The following DAPK1 variants were observed in gnomAD, a reference collection of about 807,000 sequenced individuals.
DAPK1 encodes death-associated protein kinase 1.
Under a neutral mutation model 144.9 loss-of-function variants are expected in DAPK1, and 56 were observed. The ratio of observed to expected loss-of-function variants is 0.39; its 90% confidence interval spans 0.31 to 0.48. The LOEUF (loss-of-function observed/expected upper bound fraction) is 0.48. Ranked by LOEUF, DAPK1 falls within the 20% of genes least tolerant of loss-of-function variation. The pLI is 0.95. For missense variants in DAPK1, 1,454 were observed against 1,875.4 expected (o/e 0.78, Z 4.15); for synonymous variants, 690 against 749.0 (o/e 0.92, Z 1.29).
chr9:87,606,895 T>C (rs1249816836), intron 3 of DAPK1, among the ~76,000 whole-genome samples: 1 of 150,812 alleles, frequency 6.6e-6, no homozygotes, highest in Non-Finnish European at 1.5e-5. Context: ...GAATCACTCT[T>C]CCTTCAGGCT....
intron 2 of DAPK1, among the ~76,000 whole-genome samples, chr9:87,597,342 G>A (rs905780939): frequency 2.4e-4 from 36 of 152,122 alleles, no homozygotes; most frequent in African/African-American, 8.5e-4. Context: ...GGGCCTTTGA[G>A]GACCAAAGGA....
chr9:87,642,642 G>C lies in DAPK1; in HGVS notation c.918+584G>C, dbSNP rs74362275. On this transcript the variant is annotated intron_variant, in intron 10 of 25. Transcript: ENST00000408954. Reference sequence around the variant, plus strand: ...TGATGGGATGGTTTCCTGTGCCCAGGGTCATGTCAAACCTAGAGGAAGTGG... The same window carrying C: ...TGATGGGATGGTTTCCTGTGCCCAGCGTCATGTCAAACCTAGAGGAAGTGG... Among the ~76,000 whole-genome samples the C allele has an allele frequency of 2.5e-3, 385 of 152,180 alleles. 1 individual carries two copies. The highest frequency in any genetic ancestry group is 6.9e-3 in the South Asian group (33 of 4,812).
intron 20 of DAPK1, among the ~76,000 whole-genome samples, chr9:87,682,337 T>C (rs148973258): frequency 4.1e-4 from 63 of 152,344 alleles, no homozygotes; most frequent in African/African-American, 1.5e-3. Flanking sequence ...TTGGGTGTGA[T>C]TCCAACTGAA....
chr9:87,637,742 C>T (rs1829951780), intron 3 of DAPK1, among the ~76,000 whole-genome samples: 1 of 152,174 alleles, frequency 6.6e-6, no homozygotes, highest in South Asian at 2.1e-4. Flanking sequence ...AAATGGTTCC[C>T]AAGTGCTTTC....
intron 3 of DAPK1, among the ~76,000 whole-genome samples, chr9:87,608,070 C>T (rs2118977263): frequency 6.6e-6 from 1 of 152,258 alleles, no homozygotes; most frequent in African/African-American, 2.4e-5. Context: ...ACCAGATCTC[C>T]TGAGAACTCT....
At chr9:87,513,143 A>G (rs561807014) in intron 2 of DAPK1, among the ~76,000 whole-genome samples, 1 of 152,346 alleles carries the variant, frequency 6.6e-6, no homozygotes, top group South Asian at 2.1e-4. Flanking sequence ...AACAGGTACC[A>G]TAAATAGGCT....
At chr9:87,569,010 A>G (rs1386468402) in intron 2 of DAPK1, among the ~76,000 whole-genome samples, 1 of 152,154 alleles carries the variant, frequency 6.6e-6, no homozygotes, top group African/African-American at 2.4e-5. Context: ...GGGGCGAGGC[A>G]GATTCTCTTG....
At position 87,707,254 on chromosome 9, in the gene DAPK1, G is replaced by T. The variant is rs776544631; in HGVS notation, c.4183G>T (p.Ala1395Ser). ...GGATGCCGCAGACTTTTTGCTGAAG[G>T]CATCCTCTGTGTTCAAAATCAACCT... ...RRDAADFLLK[A>S]SSVFKINLDG... The change falls in exon 26 of 26, where the codon GCA (alanine) becomes TCA (serine). Residue 1395 changes from alanine (A) to serine (S), a missense_variant. This residue lies in a region of DAPK1 where 1,025 missense variants were observed against 1,237.9 expected (regional missense o/e 0.83). Coordinates refer to ENST00000408954, the MANE Select transcript of DAPK1 (RefSeq NM_004938.4). The surrounding 1 kb of genome is among the most constrained non-coding windows in gnomAD (Gnocchi z 4.0). The T allele has an allele frequency of 6.2e-7, 1 of 1,614,096 alleles. No individual in the cohort carries two copies. The highest frequency in any genetic ancestry group is 2.2e-5 in the East Asian group (1 of 44,882).
intron 2 of DAPK1, among the ~76,000 whole-genome samples, chr9:87,562,828 T>G (rs1587721488): frequency 6.6e-6 from 1 of 152,246 alleles, no homozygotes; most frequent in Non-Finnish European, 1.5e-5. Context: ...AGCAAAAGTC[T>G]GCTGCTATTG....
In DAPK1 at chr9:87,707,209, C is replaced by T; in HGVS notation, c.4138C>T (p.Leu1380=). The stretch of plus-strand genomic sequence containing the variant: ...CACAGTGGGCACCCTCATGTCCAAA[C>T]TGAGGGAGCTGGGTCGCCGGGATGC... ...ESTVGTLMSK[L]RELGRRDAAD... is the part of the protein sequence containing the mutation. The change falls in exon 26 of 26, where the codon CTG becomes TTG. Residue 1380 remains leucine, a synonymous_variant. Coordinates refer to ENST00000408954, the MANE Select transcript of DAPK1 (RefSeq NM_004938.4). This position sits in a 1 kb window ranked among gnomAD's most constrained non-coding sequence, Gnocchi z 4.0. 1 of 1,614,216 alleles carries T rather than the reference C, an allele frequency of 6.2e-7. No individual in the cohort carries two copies. The highest frequency in any genetic ancestry group is 1.1e-5 in the South Asian group (1 of 91,090).
chr9:87,514,174 C>A (rs1216210989), intron 2 of DAPK1, among the ~76,000 whole-genome samples: 3 of 151,952 alleles, frequency 2.0e-5, no homozygotes, highest in African/African-American at 7.3e-5. Context: ...GAAGGAGGAG[C>A]CTGCACCTAG....
intron 2 of DAPK1, among the ~76,000 whole-genome samples, chr9:87,577,079 A>G (rs1418141439): frequency 6.6e-6 from 1 of 152,266 alleles, no homozygotes; most frequent in African/African-American, 2.4e-5. Context: ...TGGGGAAGAG[A>G]TAATATTCTG....
intron 2 of DAPK1, among the ~76,000 whole-genome samples, chr9:87,567,517 G>A (rs185182408): frequency 2.6e-5 from 4 of 152,168 alleles, no homozygotes; most frequent in African/African-American, 7.2e-5. Flanking sequence ...AGTAGACCCC[G>A]CTCACAATTG....
chr9:87,525,455 G>A (rs1804417), intron 2 of DAPK1: 6 of 1,603,200 alleles, frequency 3.7e-6, no homozygotes, highest in South Asian at 3.3e-5. Context: ...GAAGGATATC[G>A]GTTTCATTAA....
At chr9:87,597,586 T>C (rs1828362952) in intron 2 of DAPK1, among the ~76,000 whole-genome samples, 2 of 152,100 alleles carry the variant, frequency 1.3e-5, no homozygotes, top group Non-Finnish European at 2.9e-5. Flanking sequence ...TTGATGTGTT[T>C]AGAGAAAACA....
chr9:87,624,276 A>T (rs1564028834), intron 3 of DAPK1, among the ~76,000 whole-genome samples: 1 of 152,198 alleles, frequency 6.6e-6, no homozygotes, highest in Non-Finnish European at 1.5e-5. Flanking sequence ...CTGACAAGGT[A>T]GTGCTGGCTG....
At chr9:87,704,030 T>TA (rs920247342) in intron 25 of DAPK1, among the ~76,000 whole-genome samples, 3 of 152,178 alleles carry the variant, frequency 2.0e-5, no homozygotes, top group African/African-American at 7.2e-5. Flanking sequence ...TCTGGCCCTA[T>TA]AGCCAGTTTG....
chr9:87,517,387 G>A (rs1825103810), intron 2 of DAPK1, among the ~76,000 whole-genome samples: 1 of 151,794 alleles, frequency 6.6e-6, no homozygotes, highest in South Asian at 2.1e-4. Flanking sequence ...AAACTCCTGG[G>A]GTAATTCCTC....
At chr9:87,590,369 C>CAAAAAAAAAAAAAAAA (rs200588801) in intron 2 of DAPK1, among the ~76,000 whole-genome samples, 7 of 85,722 alleles carry the variant, frequency 8.2e-5, no homozygotes, top group African/African-American at 2.4e-4. Flanking sequence ...TCATTGGCCT[C>CAAAAAAAAAAAAAAAA]AAAAAAAAAA....
Sources: gnomAD v4.1 joint callset for allele counts (sites outside exome capture counted in the v4.1 genomes callset) on GRCh38, gnomAD v4.1.1 for gene constraint, gnomAD v4.1.1 regional missense constraint, Gnocchi (gnomAD v3.1) non-coding constraint, MANE v1.5 for transcripts, NCBI Gene and HGNC (gene_info 2026-07-23, HGNC 2026-07-21) for gene names.